Variants in CTNNA3 observed in about 807,000 individuals in gnomAD.
CTNNA3 encodes the protein catenin alpha-3.
A neutral mutation model predicts 95.7 loss-of-function variants in CTNNA3; 76 were observed. The ratio of observed to expected loss-of-function variants is 0.79; its 90% confidence interval spans 0.66 to 0.96. The LOEUF is 0.96. CTNNA3 is among the 40% of genes least tolerant of loss of function. CTNNA3 has a pLI of 0.00. For missense variants in CTNNA3, 1,191 were observed against 1,089.8 expected (o/e 1.09, Z -1.31); for synonymous variants, 431 against 374.4 (o/e 1.15, Z -1.74).
rs181113850 is a variant in CTNNA3 at position 67,226,497 on chromosome 10, G to A, written c.580-6627C>T. Among the ~76,000 whole-genome samples the A allele has an allele frequency of 7.4e-4, 112 of 152,206 alleles. 1 individual carries two copies. The highest frequency in any genetic ancestry group is 2.6e-3 in the African/African-American group (108 of 41,516). ...CAGAAGCACCAGGTAACCTACAAAG[G>A]AAAACCTGTCATATTAACAGCAGAT... is the stretch of plus-strand genomic sequence containing the variant. On this transcript the variant is annotated intron_variant, in intron 5 of 17. Transcript: ENST00000433211.
chr10:66,677,113 A>C (rs2132488897), intron 9 of CTNNA3, among the ~76,000 whole-genome samples: 1 of 152,252 alleles, frequency 6.6e-6, no homozygotes, highest in Non-Finnish European at 1.5e-5. Flanking sequence ...TGACTTCTCT[A>C]GCATTGGTTT....
chr10:66,812,292 A>C (rs997441153), intron 7 of CTNNA3, among the ~76,000 whole-genome samples: 9 of 152,116 alleles, frequency 5.9e-5, no homozygotes, highest in African/African-American at 2.2e-4. Flanking sequence ...TCTATAAATT[A>C]TATATAAACA....
intron 5 of CTNNA3, among the ~76,000 whole-genome samples, chr10:67,444,843 C>A (rs527623925): frequency 1.3e-5 from 2 of 151,866 alleles, no homozygotes; most frequent in Non-Finnish European, 1.5e-5. Flanking sequence ...CAAGATTGAA[C>A]CACAAGGAAA....
intron 7 of CTNNA3, among the ~76,000 whole-genome samples, chr10:67,055,258 C>T (rs189427386): frequency 2.5e-4 from 38 of 152,238 alleles, no homozygotes; most frequent in Non-Finnish European, 3.5e-4. Context: ...ATAGGTGTCA[C>T]CATTAGTACA....
rs532729284 is a variant in CTNNA3, at chr10:67,180,099, C to T, written c.1047+218G>A. On this transcript the variant is annotated intron_variant, in intron 7 of 17. Coordinates refer to ENST00000433211, the MANE Select transcript of CTNNA3 (RefSeq NM_013266.4). ...GATACTTCCACAAACAAAACAATCA[C>T]CTGTAAATACCCTTCTGGTTCTGAT... 5.9e-5 allele frequency among the ~76,000 whole-genome samples: 9 copies of T among 152,230 alleles called. No homozygotes were observed. In the South Asian group the frequency reaches 1.9e-3, roughly 32 times the overall value.
chr10:66,672,149 T>C (rs1846684176), intron 9 of CTNNA3, among the ~76,000 whole-genome samples: 1 of 152,074 alleles, frequency 6.6e-6, no homozygotes, highest in Non-Finnish European at 1.5e-5. Context: ...AGCAATTAGC[T>C]CTGTACTCCT....
At chr10:66,333,314 T>C (rs1292304657) in intron 12 of CTNNA3, among the ~76,000 whole-genome samples, 1 of 152,122 alleles carries the variant, frequency 6.6e-6, no homozygotes, top group Non-Finnish European at 1.5e-5. Flanking sequence ...CTTTTCATTG[T>C]GATGTTAGGG....
At chr10:67,430,302 A>T (rs1237824198) in intron 5 of CTNNA3, among the ~76,000 whole-genome samples, 1 of 151,998 alleles carries the variant, frequency 6.6e-6, no homozygotes, top group African/African-American at 2.4e-5. Flanking sequence ...CCTGGACTGT[A>T]GTCTTGGATA....
intron 11 of CTNNA3, among the ~76,000 whole-genome samples, chr10:66,459,732 A>G (rs2093516152): frequency 2.0e-5 from 3 of 152,156 alleles, no homozygotes; most frequent in Admixed American, 2.0e-4. Context: ...ACTGGAGGCA[A>G]CTGTAACACA....
chr10:66,228,552 T>A (rs1021586987), intron 13 of CTNNA3, among the ~76,000 whole-genome samples: 1 of 152,156 alleles, frequency 6.6e-6, no homozygotes, highest in South Asian at 2.1e-4. Flanking sequence ...CGATTATTTT[T>A]AAATTTATTA....
chr10:66,263,475 C>T (rs1017896905), intron 13 of CTNNA3, among the ~76,000 whole-genome samples: 1 of 151,866 alleles, frequency 6.6e-6, no homozygotes, highest in African/African-American at 2.4e-5. Context: ...TATAAAGAGA[C>T]CACTTTACAG....
chr10:67,563,493 A>C (rs903392128), intron 3 of CTNNA3, among the ~76,000 whole-genome samples: 2 of 152,218 alleles, frequency 1.3e-5, no homozygotes, highest in East Asian at 1.9e-4. Context: ...AAATTAATTC[A>C]AGATGGATTA....
chr10:66,087,801 G>C (rs1360978587), intron 14 of CTNNA3, among the ~76,000 whole-genome samples: 1 of 152,088 alleles, frequency 6.6e-6, no homozygotes, highest in Admixed American at 6.6e-5. Flanking sequence ...TGGCATATTA[G>C]TTTGTATCTG....
chr10:67,647,961 A>G (rs1839768790), intron 1 of CTNNA3, among the ~76,000 whole-genome samples: 4 of 152,188 alleles, frequency 2.6e-5, no homozygotes, highest in African/African-American at 9.7e-5. Flanking sequence ...TTTGAAAGAC[A>G]TGGGAACAAG....
chr10:66,198,057 A>G (rs1483418695), intron 13 of CTNNA3, among the ~76,000 whole-genome samples: 2 of 152,152 alleles, frequency 1.3e-5, no homozygotes, highest in Non-Finnish European at 2.9e-5. Context: ...ATAGAGACTA[A>G]CTGTACATCT....
intron 1 of CTNNA3, among the ~76,000 whole-genome samples, chr10:67,678,928 G>A (rs1025015280): frequency 9.2e-5 from 14 of 152,092 alleles, no homozygotes; most frequent in African/African-American, 3.4e-4. Context: ...GATAAAAAAG[G>A]TACAAGTCTC....
intron 5 of CTNNA3, among the ~76,000 whole-genome samples, chr10:67,335,514 T>C (rs1046240525): frequency 8.5e-5 from 13 of 152,254 alleles, no homozygotes; most frequent in African/African-American, 2.9e-4. Flanking sequence ...CATTTATTCC[T>C]TGATTCAACC....
intron 7 of CTNNA3, among the ~76,000 whole-genome samples, chr10:67,149,171 C>T (rs939136622): frequency 2.6e-5 from 4 of 152,194 alleles, no homozygotes; most frequent in African/African-American, 9.7e-5. Flanking sequence ...TTATTTTACA[C>T]ATTAATATAG....
intron 7 of CTNNA3, among the ~76,000 whole-genome samples, chr10:66,991,996 T>G (rs749480166): frequency 1.8e-4 from 28 of 152,232 alleles, no homozygotes; most frequent in Middle Eastern, 3.4e-3. Flanking sequence ...AATCCCAGGG[T>G]TGATTTGATC....
Sources: gnomAD v4.1 joint callset for allele counts (sites outside exome capture counted in the v4.1 genomes callset) on GRCh38, gnomAD v4.1.1 for gene constraint, MANE v1.5 for transcripts, NCBI Gene and HGNC (gene_info 2026-07-23, HGNC 2026-07-21) for gene names.